The following RHOF variants were observed in gnomAD, a reference collection of about 807,000 sequenced individuals.
RHOF encodes ras homolog family member F, filopodia associated.
RHOF carries 21 observed loss-of-function variants against 22.2 expected under a neutral mutation model. The observed-to-expected ratio is 0.95, with a 90% CI of 0.67 to 1.36. The LOEUF is 1.36. RHOF is among the 40% of genes most tolerant of loss of function. The probability of loss-of-function intolerance (pLI) is 0.00; values close to 1 mark genes in which losing one functional copy is unlikely to be tolerated. For missense variants in RHOF, 285 were observed against 293.7 expected (o/e 0.97, Z 0.22); for synonymous variants, 135 against 131.2 (o/e 1.03, Z -0.20).
chr12:121,780,763 G>T, intron 4 of RHOF, 109 bp downstream of exon 4: 2 of 1,251,122 alleles, frequency 1.6e-6, no homozygotes, highest in Non-Finnish European at 2.2e-6. Flanking sequence ...TTAGAATCTT[G>T]CTTCCCTCAG....
intron 2 of RHOF, chr12:121,781,410 A>T (rs528823032): frequency 3.8e-6 from 2 of 525,342 alleles, no homozygotes; most frequent in East Asian, 6.8e-5. Context: ...GGTCAAGGCT[A>T]CAGTGAGCCG....
At chr12:121,789,034 G>A (rs1292994961) in intron 2 of RHOF, among the ~76,000 whole-genome samples, 1 of 152,160 alleles carries the variant, frequency 6.6e-6, no homozygotes, top group Non-Finnish European at 1.5e-5. Context: ...CACAGAGGGG[G>A]CCCATCCAGC....
In RHOF at chr12:121,779,801, G is replaced by A. The variant is rs778738250; in HGVS notation, c.472-139C>T. 393 of 876,040 alleles carry A rather than the reference G, an allele frequency of 4.5e-4. 2 individuals carry two copies. The highest frequency in any genetic ancestry group is 6.5e-4 in the Non-Finnish European group (374 of 575,902). 54.3% of individuals were successfully genotyped at this position (876,040 alleles called of 1,614,324 possible). A position where few individuals can be genotyped will look rare whatever the true frequency, so the allele number is the denominator to read the frequency against. On this transcript the variant is annotated intron_variant, in intron 4 of 4. Transcript: ENST00000267205. ...GGGCCTGTCTGTCTCCTCCATCCTG[G>A]CTGCCCCTCACAGTGTGTGGGTGGA...
chr12:121,789,360 C>T lies in RHOF; in HGVS notation c.226+3792G>A, dbSNP rs373793974. The stretch of plus-strand genomic sequence containing the variant: ...CGTCCTGACGTGCACTCAGGCGGTG[C>T]GGCAGGGCTGGGCGGAAGGGAGGCT... On this transcript the variant is annotated intron_variant, in intron 2 of 4. Coordinates refer to ENST00000267205, the MANE Select transcript of RHOF (RefSeq NM_019034.3). 5.3e-5 allele frequency among the ~76,000 whole-genome samples: 8 copies of T among 152,078 alleles called. No individual in the cohort carries two copies. In the East Asian group the frequency reaches 7.7e-4, roughly 15 times the overall value.
intron 1 of RHOF, 101 bp from the exon 2 acceptor site, chr12:121,793,340 C>T: frequency 7.0e-7 from 1 of 1,429,136 alleles, no homozygotes; most frequent in Non-Finnish European, 9.6e-7. Context: ...CGGATCAGCC[C>T]CCCCTCACCC....
intron 2 of RHOF, among the ~76,000 whole-genome samples, chr12:121,786,409 C>A (rs909339803): frequency 2.0e-5 from 3 of 152,202 alleles, no homozygotes; most frequent in Middle Eastern, 3.2e-3. Context: ...GACTTGCCCA[C>A]TGGGTTTGGC....
At chr12:121,784,797 A>G (rs1040681183) in intron 2 of RHOF, among the ~76,000 whole-genome samples, 3 of 152,170 alleles carry the variant, frequency 2.0e-5, no homozygotes, top group African/African-American at 7.2e-5. Flanking sequence ...TGGTCCTTTA[A>G]GATGTAACAA....
rs567222877 is a variant in RHOF at position 121,779,129 on chromosome 12, C to T, written c.*369G>A. Reference sequence around the variant, plus strand: ...ACAGGAGTGGCAGGCTTGGGGCGCCCGCGTGGAACAGTGCCAGGTCTACGT... The same window carrying T: ...ACAGGAGTGGCAGGCTTGGGGCGCCTGCGTGGAACAGTGCCAGGTCTACGT... On this transcript the variant is annotated 3_prime_UTR_variant, in exon 5 of 5. Transcript: ENST00000267205. The T allele has an allele frequency of 2.9e-5, 6 of 209,120 alleles. No individual in the cohort carries two copies. Among genetic ancestry groups the T allele is most frequent in the Non-Finnish European group, 3.0e-5 (3 of 100,890 alleles). 13.0% of individuals were successfully genotyped at this position (209,120 alleles called of 1,614,324 possible). A position where few individuals can be genotyped will look rare whatever the true frequency, so the allele number is the denominator to read the frequency against.
intron 2 of RHOF, among the ~76,000 whole-genome samples, chr12:121,790,821 C>T (rs1370306575): frequency 6.6e-6 from 1 of 152,156 alleles, no homozygotes; most frequent in Non-Finnish European, 1.5e-5. Flanking sequence ...GATTCCAAAG[C>T]ACAGGCTTGA....
intron 2 of RHOF, among the ~76,000 whole-genome samples, chr12:121,791,345 A>G (rs376670920): frequency 1.1e-4 from 16 of 152,172 alleles, no homozygotes; most frequent in East Asian, 3.8e-4. Context: ...AGGCTGGTGG[A>G]CATCATATAT....
At chr12:121,781,275 G>T in intron 2 of RHOF, 83 bp from the exon 3 acceptor site, 11 of 1,274,990 alleles carry the variant, frequency 8.6e-6, no homozygotes, top group African/African-American at 1.5e-5. Context: ...GGCCAGGCAA[G>T]TGACCCTGCC....
At position 121,780,985 on chromosome 12, in the gene RHOF, A is replaced by C. The variant is rs2137483505; in HGVS notation, c.358T>G (p.Phe120Val). ...LIKWFPEVTH[F>V]CRGIPMVLIG... ...AGCACCATGGGGATCCCGCGGCAGA[A>C]ATGCGTGACCTCAGGGAACCACTGT... Residue 120 changes from phenylalanine to valine, a missense_variant, in exon 4 of 5, where the codon TTC becomes GTC. Physicochemically the swap from Phe to Val is conservative, Grantham distance 50 (BLOSUM62 -1). Coordinates refer to ENST00000267205, the MANE Select transcript of RHOF (RefSeq NM_019034.3). The C allele has an allele frequency of 6.2e-7, 1 of 1,613,872 alleles. No individual in the cohort carries two copies. The highest frequency in any genetic ancestry group is 8.5e-7 in the Non-Finnish European group (1 of 1,179,828).
At position 121,779,499 on chromosome 12, in the gene RHOF, C is replaced by T. The variant is rs1350882191; in HGVS notation, c.635G>A (p.Ter212=). 3 of 1,611,320 alleles carry T rather than the reference C, an allele frequency of 1.9e-6. No homozygotes were observed. The highest frequency in any genetic ancestry group is 2.7e-5 in the African/African-American group (2 of 74,940). ...QKKRRLCLLL[*] ...GTCGTGAGGTCTGTCTGCCCTGGGT[C>T]AGAGCAGCAGGCAGAGCCGGCGCTT... Residue 212 remains the stop codon, a stop_retained_variant, in exon 5 of 5, where the codon TGA becomes TAA. Coordinates refer to ENST00000267205, the MANE Select transcript of RHOF (RefSeq NM_019034.3).
At chr12:121,793,379 G>T (rs1480023060) in intron 1 of RHOF, 117 bp downstream of exon 1, 2 of 1,447,766 alleles carry the variant, frequency 1.4e-6, no homozygotes, top group South Asian at 2.5e-5. Context: ...CCGAGGGGGC[G>T]CCCCGGGGTG....
intron 2 of RHOF, among the ~76,000 whole-genome samples, chr12:121,792,445 C>G (rs768282542): frequency 1.3e-5 from 2 of 152,266 alleles, no homozygotes; most frequent in Non-Finnish European, 2.9e-5. Context: ...CCGTAAACCA[C>G]CCGTGGGGGC....
At chr12:121,787,548 G>A (rs926064290) in intron 2 of RHOF, among the ~76,000 whole-genome samples, 9 of 152,202 alleles carry the variant, frequency 5.9e-5, no homozygotes, top group Admixed American at 2.0e-4. Context: ...AAAAGTGAGC[G>A]AGCCTTGATG....
intron 2 of RHOF, among the ~76,000 whole-genome samples, chr12:121,792,077 T>C (rs1874779864): frequency 1.4e-5 from 2 of 145,796 alleles, no homozygotes; most frequent in African/African-American, 5.3e-5. Flanking sequence ...GAGGCCACGA[T>C]AGGACCTGCT....
In RHOF at chr12:121,793,211, T is replaced by C; in HGVS notation, c.167A>G (p.Tyr56Cys). The C allele has an allele frequency of 3.2e-6, 5 of 1,550,974 alleles. No individual in the cohort carries two copies. Among genetic ancestry groups the C allele is most frequent in the Non-Finnish European group, 4.4e-6 (5 of 1,146,864 alleles). ...GCTGCCAACGGTCACGCTGGCCGTGTACTTCTCGAACACCGATGGGGCGTA... is the reference window on the plus strand; with the variant it reads ...GCTGCCAACGGTCACGCTGGCCGTGCACTTCTCGAACACCGATGGGGCGTA... ...EHYAPSVFEK[Y>C]TASVTVGSKE... Residue 56 changes from tyrosine to cysteine, a missense_variant, in exon 2 of 5, where the codon TAC becomes TGC. By Grantham distance (194) the Tyr-to-Cys change is radical. Coordinates refer to ENST00000267205, the MANE Select transcript of RHOF (RefSeq NM_019034.3).
chr12:121,793,410 G>C (rs1874817448), intron 1 of RHOF, 86 bp downstream of exon 1: 2 of 1,504,464 alleles, frequency 1.3e-6, no homozygotes, highest in Non-Finnish European at 1.8e-6. Flanking sequence ...GTCCGTGCTC[G>C]GGACGCTGGG....
Sources: gnomAD v4.1 joint callset for allele counts (sites outside exome capture counted in the v4.1 genomes callset) on GRCh38, gnomAD v4.1.1 for gene constraint, MANE v1.5 for transcripts, NCBI Gene and HGNC (gene_info 2026-07-23, HGNC 2026-07-21) for gene names.